The following AGBL4 variants were observed in gnomAD, a reference collection of about 807,000 sequenced individuals.
AGBL4 encodes cytosolic carboxypeptidase 6.
In AGBL4, 58 loss-of-function variants were observed where a neutral mutation model predicts 66.4. The observed-to-expected ratio is 0.87, with a 90% confidence interval of 0.71 to 1.09. The LOEUF is 1.09. AGBL4 is among the 50% of genes least tolerant of loss of function. The pLI, the probability that AGBL4 is intolerant of heterozygous loss-of-function variation, is 0.00. For missense variants in AGBL4, 579 were observed against 631.0 expected (o/e 0.92, Z 0.88); for synonymous variants, 234 against 222.9 (o/e 1.05, Z -0.44).
At chr1:49,309,871 T>C (rs1345074138) in intron 3 of AGBL4, among the ~76,000 whole-genome samples, 1 of 152,052 alleles carries the variant, frequency 6.6e-6, no homozygotes, top group African/African-American at 2.4e-5. Flanking sequence ...ATGAACAAAA[T>C]AGCAAAATAG....
chr1:48,927,431 C>A (rs940872913), intron 5 of AGBL4, among the ~76,000 whole-genome samples: 30 of 152,114 alleles, frequency 2.0e-4, no homozygotes, highest in Non-Finnish European at 3.1e-4. Flanking sequence ...ATTCAATTAC[C>A]TCTCACCAGG....
intron 3 of AGBL4, among the ~76,000 whole-genome samples, chr1:49,459,799 C>T (rs1646470931): frequency 6.6e-6 from 1 of 151,672 alleles, no homozygotes; most frequent in South Asian, 2.1e-4. Flanking sequence ...GTATTTATTG[C>T]TATGAATAGT....
chr1:49,136,822 T>G (rs1646021091), intron 4 of AGBL4, among the ~76,000 whole-genome samples: 1 of 152,178 alleles, frequency 6.6e-6, no homozygotes, highest in Non-Finnish European at 1.5e-5. Flanking sequence ...AATACTACTC[T>G]GCAGGAATTC....
chr1:48,939,305 T>C (rs1170064609), intron 5 of AGBL4, among the ~76,000 whole-genome samples: 1 of 152,136 alleles, frequency 6.6e-6, no homozygotes, highest in Non-Finnish European at 1.5e-5. Context: ...TGTAGACAGG[T>C]CTGTCCCTTC....
chr1:49,375,308 T>C (rs748690119), intron 3 of AGBL4, among the ~76,000 whole-genome samples: 6 of 152,130 alleles, frequency 3.9e-5, no homozygotes, highest in South Asian at 2.1e-4. Context: ...TATCCAGTTA[T>C]AGAAAGTGCC....
chr1:49,237,887 G>C (rs1180027587), intron 4 of AGBL4, among the ~76,000 whole-genome samples: 1 of 151,752 alleles, frequency 6.6e-6, no homozygotes, highest in Non-Finnish European at 1.5e-5. Context: ...TTTAGAATAA[G>C]TCTGCTGGCA....
At chr1:48,698,362 G>A (rs538560857) in intron 6 of AGBL4, among the ~76,000 whole-genome samples, 1 of 152,310 alleles carries the variant, frequency 6.6e-6, no homozygotes, top group South Asian at 2.1e-4. Context: ...ACGGTACAGT[G>A]GGAGAGAAGC....
chr1:48,554,263 G>A (rs1019718713), intron 11 of AGBL4, among the ~76,000 whole-genome samples: 2 of 152,176 alleles, frequency 1.3e-5, no homozygotes, highest in East Asian at 1.9e-4. Context: ...TTAATGGAAT[G>A]AGCAATGTCC....
intron 4 of AGBL4, among the ~76,000 whole-genome samples, chr1:49,236,854 A>T (rs1650790288): frequency 6.6e-6 from 1 of 152,100 alleles, no homozygotes; most frequent in African/African-American, 2.4e-5. Context: ...CTTGAATTAT[A>T]ATTCCCACAA....
chr1:49,525,750 C>T (rs987270925), intron 3 of AGBL4, among the ~76,000 whole-genome samples: 3 of 151,908 alleles, frequency 2.0e-5, no homozygotes, highest in East Asian at 1.9e-4. Context: ...TAAAGTGTAT[C>T]GTGAGGAGAC....
chr1:48,755,980 C>T (rs1643903299), intron 6 of AGBL4, among the ~76,000 whole-genome samples: 1 of 152,194 alleles, frequency 6.6e-6, no homozygotes, highest in Middle Eastern at 3.2e-3. Flanking sequence ...GTCATATAGC[C>T]AACTACTGGC....
intron 3 of AGBL4, among the ~76,000 whole-genome samples, chr1:49,622,628 C>CAAAAAAAA (rs71059557): frequency 2.7e-4 from 18 of 65,490 alleles, no homozygotes; most frequent in Non-Finnish European, 3.1e-4. Flanking sequence ...GACTCCGTCT[C>CAAAAAAAA]AAAAAAAAAA....
At chr1:49,456,831 T>C (rs1646401202) in intron 3 of AGBL4, among the ~76,000 whole-genome samples, 1 of 151,762 alleles carries the variant, frequency 6.6e-6, no homozygotes, top group African/African-American at 2.4e-5. Context: ...ATGTTTGGTT[T>C]TCCATTCCTG....
chr1:49,708,258 T>C (rs905782782), intron 2 of AGBL4, among the ~76,000 whole-genome samples: 7 of 152,094 alleles, frequency 4.6e-5, no homozygotes, highest in African/African-American at 1.7e-4. Context: ...TTCCTTTTCA[T>C]TCTTTTTACT....
At chr1:49,450,323 C>T (rs999392005) in intron 3 of AGBL4, among the ~76,000 whole-genome samples, 1 of 151,992 alleles carries the variant, frequency 6.6e-6, no homozygotes, top group Non-Finnish European at 1.5e-5. Context: ...TAAACACACT[C>T]ATAAAAAGAG....
intron 6 of AGBL4, 139 bp from the exon 7 acceptor site, chr1:48,663,380 A>G (rs1204057245): frequency 1.3e-6 from 1 of 741,754 alleles, no homozygotes; most frequent in Non-Finnish European, 2.3e-6. Flanking sequence ...TAGAATCATT[A>G]AGGTCCAGCC....
chr1:49,008,712 G>T, intron 5 of AGBL4, among the ~76,000 whole-genome samples: 1 of 126,024 alleles, frequency 7.9e-6, no homozygotes, highest in Non-Finnish European at 1.7e-5. Flanking sequence ...TAGAACTCAG[G>T]ATTAAGAATC....
At chr1:49,497,520 C>A (rs967289977) in intron 3 of AGBL4, among the ~76,000 whole-genome samples, 1 of 151,896 alleles carries the variant, frequency 6.6e-6, no homozygotes, top group Non-Finnish European at 1.5e-5. Context: ...AATTTCAAGT[C>A]GTATATTTAA....
chr1:48,735,587 G>T (rs1224399147), intron 6 of AGBL4, among the ~76,000 whole-genome samples: 6 of 152,030 alleles, frequency 3.9e-5, no homozygotes, highest in Non-Finnish European at 1.5e-5. Flanking sequence ...CCAGAGTCCA[G>T]GATACAGCCC....
Sources: allele counts gnomAD v4.1 joint callset (sites outside exome capture counted in the v4.1 genomes callset), GRCh38; gene constraint gnomAD v4.1.1; transcripts MANE v1.5; gene names NCBI Gene and HGNC (gene_info 2026-07-23, HGNC 2026-07-21).